Variants in MACROD2 observed in about 807,000 individuals in gnomAD.
The protein encoded by MACROD2 is mono-ADP ribosylhydrolase 2, also known as ADP-ribose glycohydrolase MACROD2.
In MACROD2, 36 loss-of-function variants were observed where a neutral mutation model predicts 70.4. The ratio of observed to expected loss-of-function variants is 0.51; its 90% CI spans 0.39 to 0.68. The LOEUF is 0.68. MACROD2 is among the 30% of genes least tolerant of loss of function. The pLI is 0.00. For synonymous variants in MACROD2, 172 were observed against 178.8 expected, an observed-to-expected ratio of 0.96 and a Z score of 0.30; for missense variants, 496 against 538.4, an observed-to-expected ratio of 0.92 and a Z score of 0.78.
intron 3 of MACROD2, among the ~76,000 whole-genome samples, chr20:14,126,613 C>A (rs2054654164): frequency 6.6e-6 from 1 of 152,080 alleles, no homozygotes; most frequent in African/African-American, 2.4e-5. Context: ...CACTTTGTGT[C>A]TCCATGTCAA....
At chr20:15,331,317 TAA>T (rs1342671883) in intron 6 of MACROD2, among the ~76,000 whole-genome samples, 9 of 151,762 alleles carry the variant, frequency 5.9e-5, no homozygotes, top group Non-Finnish European at 1.2e-4. Context: ...CTTTAATTTT[TAA>T]ACTTCTGTTA....
In MACROD2 at chr20:14,002,349, C is replaced by T. The variant is rs770733009; in HGVS notation, c.108C>T (p.Pro36=). ...AAGAATACCTAAGAGACTATATTCC[C>T]CTGAACAGCATTCTATCATGGAAGG... ...RRKEYLRDYI[P]LNSILSWKEE... is the part of the protein sequence containing the mutation. Residue 36 remains proline (P), a synonymous_variant, in exon 2 of 18, where the codon CCC becomes CCT. Transcript: ENST00000684519. 5 of 1,610,316 alleles carry T rather than the reference C, an allele frequency of 3.1e-6. No individual in the cohort carries two copies. In the South Asian group the frequency reaches 5.5e-5, roughly 18 times the overall value.
intron 6 of MACROD2, among the ~76,000 whole-genome samples, chr20:15,366,263 AT>A (rs2045407826): frequency 6.6e-6 from 1 of 151,942 alleles, no homozygotes; most frequent in Admixed American, 6.6e-5. Context: ...TTTTTCAGTA[AT>A]TTTTCCCCCC....
chr20:14,617,791 G>A (rs1257123445), intron 4 of MACROD2, among the ~76,000 whole-genome samples: 3 of 152,050 alleles, frequency 2.0e-5, no homozygotes, highest in South Asian at 2.1e-4. Flanking sequence ...GCTTGTTACC[G>A]AAACCCTGAG....
intron 3 of MACROD2, among the ~76,000 whole-genome samples, chr20:14,379,508 CAATA>C (rs928325034): frequency 5.6e-4 from 86 of 152,268 alleles, no homozygotes; most frequent in African/African-American, 1.9e-3. Flanking sequence ...AATTCAGTGA[CAATA>C]AATACTTTCA....
At chr20:14,929,888 G>A (rs893086889) in intron 5 of MACROD2, among the ~76,000 whole-genome samples, 30 of 152,074 alleles carry the variant, frequency 2.0e-4, no homozygotes, top group African/African-American at 6.0e-4. Flanking sequence ...TTTGCTGGGC[G>A]CGGTATCTCA....
At chr20:15,101,897 G>T (rs115601369) in intron 5 of MACROD2, among the ~76,000 whole-genome samples, 1,778 of 151,530 alleles carry the variant, frequency 0.012, 33 homozygotes, top group African/African-American at 0.041. Flanking sequence ...TTATTTATTC[G>T]CTTTCTCCCT....
rs1416760478 is a variant in MACROD2 at position 15,294,653 on chromosome 20, A to G, written c.540+64592A>G. Among the ~76,000 whole-genome samples, 4 of 152,326 alleles carry G rather than the reference A, an allele frequency of 2.6e-5. No individual in the cohort carries two copies. In the South Asian group the frequency reaches 6.2e-4, roughly 24 times the overall value. ...GATAAATGGTATTCTCCTGTGGGCT[A>G]CATTCTCACTTTTAACAATGCTCAC... On this transcript the variant is annotated intron_variant, in intron 6 of 17. Coordinates refer to ENST00000684519, the MANE Select transcript of MACROD2 (RefSeq NM_001351661.2).
chr20:15,093,495 T>C (rs1193626991), intron 5 of MACROD2, among the ~76,000 whole-genome samples: 2 of 152,218 alleles, frequency 1.3e-5, no homozygotes, highest in Non-Finnish European at 2.9e-5. Context: ...TATGAACTGC[T>C]CTACTCATAG....
At chr20:15,070,774 C>G (rs1371968028) in intron 5 of MACROD2, among the ~76,000 whole-genome samples, 1 of 152,056 alleles carries the variant, frequency 6.6e-6, no homozygotes, top group Non-Finnish European at 1.5e-5. Context: ...GCCAAAGAAA[C>G]CTTTTCTTTA....
intron 5 of MACROD2, among the ~76,000 whole-genome samples, chr20:14,748,261 C>G (rs1280962186): frequency 6.6e-6 from 1 of 152,238 alleles, no homozygotes; most frequent in South Asian, 2.1e-4. Context: ...GAAGCACACT[C>G]AAAGCATATT....
intron 4 of MACROD2, among the ~76,000 whole-genome samples, chr20:14,592,752 T>C (rs942318858): frequency 2.6e-5 from 4 of 152,212 alleles, no homozygotes; most frequent in African/African-American, 9.6e-5. Context: ...GTTATTAGGT[T>C]ACATTTTCTG....
At chr20:14,255,445 A>G (rs554063318) in intron 3 of MACROD2, among the ~76,000 whole-genome samples, 31 of 151,922 alleles carry the variant, frequency 2.0e-4, no homozygotes, top group Non-Finnish European at 3.7e-4. Flanking sequence ...CAAAAAAACC[A>G]AACACCGCAT....
At chr20:14,644,063 T>C (rs1433142174) in intron 4 of MACROD2, among the ~76,000 whole-genome samples, 2 of 152,192 alleles carry the variant, frequency 1.3e-5, no homozygotes, top group African/African-American at 4.8e-5. Flanking sequence ...AATTGTAGCA[T>C]TAATAAAAAT....
At chr20:14,317,390 C>A (rs577335848) in intron 3 of MACROD2, among the ~76,000 whole-genome samples, 3 of 152,076 alleles carry the variant, frequency 2.0e-5, no homozygotes, top group Admixed American at 6.6e-5. Context: ...GAGGCCAAGG[C>A]GGGTGGATCA....
chr20:15,557,736 A>G (rs1568890678), intron 8 of MACROD2, among the ~76,000 whole-genome samples: 1 of 152,206 alleles, frequency 6.6e-6, no homozygotes, highest in Non-Finnish European at 1.5e-5. Context: ...GAACACAGAG[A>G]GTACAGAAGG....
chr20:15,933,276 A>G lies in MACROD2; in HGVS notation c.776A>G (p.Asp259Gly), dbSNP rs756094652. Reference protein sequence around the residue: ...EEDVEMKEDSDENGPEEKQSV... With the variant: ...EEDVEMKEDSGENGPEEKQSV... ...TTTTCCTCTGTGGTTTTCTTGAAAG[A>G]TGAGAACGGTCCAGAGGAGAAGCAA... Residue 259 changes from aspartate to glycine, a missense_variant and splice_region_variant, in exon 11 of 18, where the codon GAT (aspartate) becomes GGT (glycine). By Grantham distance (94) the Asp-to-Gly change is moderately conservative. Transcript: ENST00000684519. 6.2e-7 allele frequency: 1 copy of G among 1,613,172 alleles called. No homozygotes were observed. Among genetic ancestry groups the G allele is most frequent in the South Asian group, 1.1e-5 (1 of 91,034 alleles).
At chr20:15,043,195 C>G (rs1328990688) in intron 5 of MACROD2, among the ~76,000 whole-genome samples, 1 of 152,184 alleles carries the variant, frequency 6.6e-6, no homozygotes, top group Non-Finnish European at 1.5e-5. Context: ...TGAATTTGTT[C>G]CACAGACGCA....
intron 10 of MACROD2, among the ~76,000 whole-genome samples, chr20:15,906,401 C>A (rs1315591723): frequency 2.6e-5 from 4 of 152,084 alleles, no homozygotes; most frequent in Non-Finnish European, 5.9e-5. Flanking sequence ...TTTTCCTGAA[C>A]CATTTGGGAA....
Sources: gnomAD v4.1 joint callset for allele counts (sites outside exome capture counted in the v4.1 genomes callset) on GRCh38, gnomAD v4.1.1 for gene constraint, MANE v1.5 for transcripts, NCBI Gene and HGNC (gene_info 2026-07-23, HGNC 2026-07-21) for gene names.